FILIP1L: variants seen among roughly 807,000 people sequenced by gnomAD.
FILIP1L encodes filamin A interacting protein 1 like, also known as filamin A-interacting protein 1-like.
FILIP1L carries 55 observed loss-of-function variants against 96.6 expected under a neutral mutation model. The ratio of observed to expected loss-of-function variants is 0.57; its 90% CI spans 0.46 to 0.71. The LOEUF (loss-of-function observed/expected upper bound fraction) is 0.71, where lower values mean the gene tolerates loss of function less well. Ranked by LOEUF, FILIP1L falls within the 30% of genes least tolerant of loss-of-function variation. FILIP1L has a pLI of 0.00. For synonymous variants in FILIP1L, 467 were observed against 473.9 expected, an observed-to-expected ratio of 0.99 and a Z score of 0.19; for missense variants, 1,304 against 1,321.2, an observed-to-expected ratio of 0.99 and a Z score of 0.20.
At chr3:99,927,246 A>G (rs1707321703) in intron 3 of FILIP1L, among the ~76,000 whole-genome samples, 1 of 152,276 alleles carries the variant, frequency 6.6e-6, no homozygotes, top group African/African-American at 2.4e-5. Flanking sequence ...AATTAAATTT[A>G]AAAGCTTAAT....
intron 4 of FILIP1L, among the ~76,000 whole-genome samples, chr3:99,866,378 T>A (rs1260174001): frequency 6.6e-6 from 1 of 152,174 alleles, no homozygotes; most frequent in Non-Finnish European, 1.5e-5. Flanking sequence ...GTTTCCTAAC[T>A]TGTTAGTGGG....
rs35626116 is a variant in FILIP1L at position 99,898,764 on chromosome 3, T to TA, written c.605+25465dup. 9.6e-3 allele frequency: 1,192 copies of TA among 123,630 alleles called. 21 individuals are homozygous for TA. Among genetic ancestry groups the TA allele is most frequent in the African/African-American group, 0.03 (948 of 32,076 alleles). 7.7% of individuals were successfully genotyped at this position (123,630 alleles called of 1,614,324 possible). ...CTCGGCAGCAGAGCTAGACTCCATC[T>TA]AAAAAAAAAAAAAAAAAAAAAGTGC... On this transcript the variant is annotated intron_variant, in intron 4 of 5. Transcript: ENST00000477258.
At chr3:99,885,241 T>C (rs1458505208) in intron 4 of FILIP1L, among the ~76,000 whole-genome samples, 1 of 152,246 alleles carries the variant, frequency 6.6e-6, no homozygotes, top group African/African-American at 2.4e-5. Context: ...CCAAAGAGAC[T>C]CTTTCAGCCT....
intron 1 of FILIP1L, among the ~76,000 whole-genome samples, chr3:100,070,077 T>G (rs987812970): frequency 6.6e-6 from 1 of 152,222 alleles, no homozygotes; most frequent in Non-Finnish European, 1.5e-5. Context: ...CACATGGCAC[T>G]GTCATAAGGT....
intron 1 of FILIP1L, among the ~76,000 whole-genome samples, chr3:100,076,830 T>C (rs1393201791): frequency 6.6e-6 from 1 of 152,222 alleles, no homozygotes; most frequent in Non-Finnish European, 1.5e-5. Flanking sequence ...GCCTGGGAAT[T>C]AGTCAGACTT....
At chr3:100,102,638 G>A (rs1010897875) in intron 1 of FILIP1L, among the ~76,000 whole-genome samples, 2 of 152,086 alleles carry the variant, frequency 1.3e-5, no homozygotes, top group African/African-American at 4.8e-5. Flanking sequence ...ACAATGCCAA[G>A]CTGCATTCTG....
chr3:99,970,109 A>G (rs1249174866), intron 1 of FILIP1L, among the ~76,000 whole-genome samples: 1 of 152,242 alleles, frequency 6.6e-6, no homozygotes, highest in African/African-American at 2.4e-5. Context: ...TAGTAATTTC[A>G]TATGGTTCAA....
chr3:99,963,538 A>G (rs1186856449), intron 1 of FILIP1L, among the ~76,000 whole-genome samples: 1 of 152,060 alleles, frequency 6.6e-6, no homozygotes, highest in East Asian at 1.9e-4. Context: ...TGAGCGGGAT[A>G]TTTACATTTT....
At chr3:99,839,929 A>G (rs1166852408) in intron 5 of FILIP1L, among the ~76,000 whole-genome samples, 1 of 152,218 alleles carries the variant, frequency 6.6e-6, no homozygotes, top group Non-Finnish European at 1.5e-5. Flanking sequence ...GAACTCTTAT[A>G]GAGTCACTTG....
intron 1 of FILIP1L, among the ~76,000 whole-genome samples, chr3:100,089,486 A>T (rs970161556): frequency 6.6e-6 from 1 of 152,204 alleles, no homozygotes; most frequent in Non-Finnish European, 1.5e-5. Flanking sequence ...GTAGATGGAG[A>T]TGAAGATATG....
chr3:99,899,965 G>T (rs1159058703), intron 4 of FILIP1L, among the ~76,000 whole-genome samples: 1 of 152,122 alleles, frequency 6.6e-6, no homozygotes, highest in African/African-American at 2.4e-5. Flanking sequence ...CGGTGTTCTG[G>T]TTCTACTGGA....
chr3:100,063,876 A>C (rs746282302), intron 1 of FILIP1L, among the ~76,000 whole-genome samples: 17 of 152,214 alleles, frequency 1.1e-4, no homozygotes, highest in Non-Finnish European at 2.2e-4. Context: ...TGTTACTTGA[A>C]GTATAGAGAA....
chr3:100,056,489 T>C (rs2065465200), intron 1 of FILIP1L, among the ~76,000 whole-genome samples: 1 of 152,242 alleles, frequency 6.6e-6, no homozygotes, highest in African/African-American at 2.4e-5. Context: ...AACAAAAGTT[T>C]ATAATCTGCT....
At chr3:100,060,962 A>G (rs911119048) in intron 1 of FILIP1L, among the ~76,000 whole-genome samples, 1 of 152,182 alleles carries the variant, frequency 6.6e-6, no homozygotes, top group Non-Finnish European at 1.5e-5. Flanking sequence ...TTGCAGAACC[A>G]CATCCTCATT....
At chr3:99,942,500 A>T (rs1707878765) in intron 1 of FILIP1L, among the ~76,000 whole-genome samples, 1 of 152,202 alleles carries the variant, frequency 6.6e-6, no homozygotes, top group Admixed American at 6.5e-5. Context: ...ATTTGAAAGA[A>T]AGCACTAGGC....
intron 1 of FILIP1L, among the ~76,000 whole-genome samples, chr3:99,996,976 A>G (rs1709704476): frequency 6.6e-6 from 1 of 152,218 alleles, no homozygotes; most frequent in Admixed American, 6.5e-5. Flanking sequence ...AACATGCCTT[A>G]ACCTATGGTA....
At chr3:99,989,463 A>G (rs1709448282) in intron 1 of FILIP1L, among the ~76,000 whole-genome samples, 1 of 151,956 alleles carries the variant, frequency 6.6e-6, no homozygotes, top group African/African-American at 2.4e-5. Flanking sequence ...AAACTACAGC[A>G]CTCTGGATGT....
chr3:100,031,595 C>T (rs2065023068), intron 1 of FILIP1L, among the ~76,000 whole-genome samples: 1 of 152,042 alleles, frequency 6.6e-6, no homozygotes, highest in African/African-American at 2.4e-5. Flanking sequence ...GACCTGAGAC[C>T]CGCATCCCTT....
At chr3:99,911,393 TC>T (rs1706782785) in intron 4 of FILIP1L, among the ~76,000 whole-genome samples, 1 of 151,618 alleles carries the variant, frequency 6.6e-6, no homozygotes, top group South Asian at 2.1e-4. Context: ...CAAATTTGAC[TC>T]TAGACACACT....
Sources: allele counts gnomAD v4.1 joint callset (sites outside exome capture counted in the v4.1 genomes callset), GRCh38; gene constraint gnomAD v4.1.1; transcripts MANE v1.5; gene names NCBI Gene and HGNC (gene_info 2026-07-23, HGNC 2026-07-21).